Variants in NOS1 observed in about 807,000 individuals in gnomAD.
The protein encoded by NOS1 is nitric oxide synthase 1.
Under a neutral mutation model 164.5 loss-of-function variants are expected in NOS1, and 51 were observed. The ratio of observed to expected loss-of-function variants is 0.31; its 90% CI spans 0.25 to 0.39. The LOEUF (loss-of-function observed/expected upper bound fraction) is 0.39, where lower values mean the gene tolerates loss of function less well. NOS1 is among the 10% of genes least tolerant of loss of function. NOS1 has a pLI of 1.00. For synonymous variants in NOS1, 719 were observed against 745.8 expected, an observed-to-expected ratio of 0.96 and a Z score of 0.59; for missense variants, 1,362 against 1,885.6, an observed-to-expected ratio of 0.72 and a Z score of 5.14.
chr12:117,268,334 G>A lies in NOS1; in HGVS notation c.1840-190C>T, dbSNP rs41397345. On this transcript the variant is annotated intron_variant, in intron 10 of 28. Transcript: ENST00000317775. Reference sequence around the variant, plus strand: ...CAACCTCTGCCTCCTGCATTCAAGCGATTCTCCTGCCTCAGCCTCCTGAGT... The same window carrying A: ...CAACCTCTGCCTCCTGCATTCAAGCAATTCTCCTGCCTCAGCCTCCTGAGT... Among the ~76,000 whole-genome samples the A allele has an allele frequency of 3.1e-3, 464 of 151,442 alleles. 2 individuals carry two copies. The highest frequency in any genetic ancestry group is 0.011 in the African/African-American group (442 of 41,230).
At chr12:117,278,446 C>T (rs1873355801) in intron 8 of NOS1, among the ~76,000 whole-genome samples, 1 of 152,194 alleles carries the variant, frequency 6.6e-6, no homozygotes, top group Admixed American at 6.5e-5. Flanking sequence ...TCTTCCCTGC[C>T]CACTGGAATT....
At chr12:117,355,654 T>C (rs1281668159) in intron 1 of NOS1, among the ~76,000 whole-genome samples, 1 of 152,144 alleles carries the variant, frequency 6.6e-6, no homozygotes, top group African/African-American at 2.4e-5. Flanking sequence ...TGCCCTTTAG[T>C]TCCAACTCCA....
intron 27 of NOS1, 137 bp downstream of exon 27, chr12:117,219,938 C>T (rs1347984903): frequency 3.7e-6 from 3 of 808,456 alleles, no homozygotes; most frequent in Admixed American, 2.4e-5. Flanking sequence ...TATCCTCTAC[C>T]CTCAGTGGTA....
At chr12:117,249,152 T>C (rs1870890147) in intron 17 of NOS1, among the ~76,000 whole-genome samples, 1 of 152,182 alleles carries the variant, frequency 6.6e-6, no homozygotes, top group African/African-American at 2.4e-5. Context: ...TACCACTCAG[T>C]CTGTGGTATT....
chr12:117,270,814 T>A lies in NOS1; in HGVS notation c.1839+1571A>T, dbSNP rs577387467. ...ACTTTGGGAGGCCAAGGCGGGTGGATCATCTGAGGTCAAGAGTTCGAGACT... is the reference window on the plus strand; with the variant it reads ...ACTTTGGGAGGCCAAGGCGGGTGGAACATCTGAGGTCAAGAGTTCGAGACT... On this transcript the variant is annotated intron_variant, in intron 10 of 28. Coordinates refer to ENST00000317775, the MANE Select transcript of NOS1 (RefSeq NM_000620.5). Among the ~76,000 whole-genome samples the A allele has an allele frequency of 3.9e-5, 6 of 152,170 alleles. No homozygotes were observed. In the South Asian group the frequency reaches 1.0e-3, roughly 26 times the overall value.
chr12:117,315,255 G>A (rs1874618623), intron 2 of NOS1, among the ~76,000 whole-genome samples: 1 of 151,978 alleles, frequency 6.6e-6, no homozygotes, highest in Non-Finnish European at 1.5e-5. Flanking sequence ...CCAGGTTGGA[G>A]TGCAGTGGCG....
intron 27 of NOS1, 24 bp downstream of exon 27, chr12:117,220,051 C>T: frequency 6.3e-7 from 1 of 1,582,870 alleles, no homozygotes; most frequent in African/African-American, 1.3e-5. Context: ...GAAAAGGGAC[C>T]TGGGAAGTCA....
chr12:117,337,104 C>CTATTTTTTTTTTTTT lies in NOS1; in HGVS notation c.-420-5616_-420-5615insAAAAAAAAAAAAATA, dbSNP rs1566082153. 4.3e-5 allele frequency among the ~76,000 whole-genome samples: 4 copies of CTATTTTTTTTTTTTT among 94,074 alleles called. 1 individual carries two copies. Among genetic ancestry groups the CTATTTTTTTTTTTTT allele is most frequent in the Non-Finnish European group, 4.2e-5 (2 of 47,796 alleles). 61.7% of individuals were successfully genotyped at this position (94,074 alleles called of 152,430 possible). ...AGCCACTGTACCCAGCTGCTTTTTACTCTTTTTTTTTTTTTTTTTTTTTTT... is the reference window on the plus strand; with the variant it reads ...AGCCACTGTACCCAGCTGCTTTTTACTATTTTTTTTTTTTTTCTTTTTTTTTTTTTTTTTTTTTTT... On this transcript the variant is annotated intron_variant, in intron 1 of 28. Coordinates refer to ENST00000317775, the MANE Select transcript of NOS1 (RefSeq NM_000620.5).
chr12:117,295,563 G>A (rs1018373672), intron 3 of NOS1, among the ~76,000 whole-genome samples: 5 of 151,156 alleles, frequency 3.3e-5, no homozygotes, highest in Admixed American at 2.6e-4. Context: ...GGCTGACCCC[G>A]ATCACTGCGT....
intron 22 of NOS1, among the ~76,000 whole-genome samples, chr12:117,231,583 A>G (rs551559465): frequency 1.2e-4 from 18 of 152,328 alleles, no homozygotes; most frequent in Non-Finnish European, 2.2e-4. Flanking sequence ...ATAAAAATTA[A>G]AAAAACAAAA....
In NOS1 at chr12:117,212,930, GA is replaced by G. The variant is rs901639108; in HGVS notation, c.*2378del. ...CTCCTGCCTTCTAGCCTGGAGTTGT[GA>G]AGCAGCTTGTGTTGGGGATTGAAAG... On this transcript the variant is annotated 3_prime_UTR_variant, in exon 29 of 29. Transcript: ENST00000317775. 70 of 985,282 alleles carry G rather than the reference GA, an allele frequency of 7.1e-5. No homozygotes were observed. Among genetic ancestry groups the G allele is most frequent in the Non-Finnish European group, 8.3e-5 (69 of 829,940 alleles). 61.0% of individuals were successfully genotyped at this position (985,282 alleles called of 1,614,324 possible). A position where few individuals can be genotyped will look rare whatever the true frequency, so the allele number is the denominator to read the frequency against.
At chr12:117,267,254 G>T (rs1394478383) in intron 11 of NOS1, among the ~76,000 whole-genome samples, 1 of 152,184 alleles carries the variant, frequency 6.6e-6, no homozygotes, top group Non-Finnish European at 1.5e-5. Context: ...GATGCCCATT[G>T]TCCTGGCATA....
At chr12:117,306,234 T>C (rs1322674389) in intron 3 of NOS1, among the ~76,000 whole-genome samples, 1 of 152,136 alleles carries the variant, frequency 6.6e-6, no homozygotes, top group Non-Finnish European at 1.5e-5. Flanking sequence ...TCGGCACACT[T>C]ACTTCACCTT....
intron 1 of NOS1, among the ~76,000 whole-genome samples, chr12:117,359,675 G>T (rs1053057926): frequency 6.6e-6 from 1 of 151,630 alleles, no homozygotes; most frequent in Non-Finnish European, 1.5e-5. Flanking sequence ...CTGAGCGCAG[G>T]GTTTGAGCTG....
chr12:117,257,891 T>G lies in NOS1; in HGVS notation c.2531+506A>C, dbSNP rs1011952015. Among the ~76,000 whole-genome samples the G allele has an allele frequency of 7.5e-5, 11 of 147,324 alleles. No homozygotes were observed. In the South Asian group the frequency reaches 1.6e-3, roughly 21 times the overall value. ...GCGATCTTGGCTCACTGCAACCTCC[T>G]CCTCCCAGGTTCAAGCGATTCTCCC... is the stretch of plus-strand genomic sequence containing the variant. On this transcript the variant is annotated intron_variant, in intron 16 of 28. Transcript: ENST00000317775.
rs566860321 is a variant in NOS1 at position 117,268,640 on chromosome 12, A to T, written c.1840-496T>A. Among the ~76,000 whole-genome samples, 3 of 136,980 alleles carry T rather than the reference A, an allele frequency of 2.2e-5. No individual in the cohort carries two copies. The Admixed American group carries it at 2.3e-4, about 11-fold the overall frequency. The allele number at this position is 136,980 out of a possible 152,430, so 89.9% of individuals were successfully genotyped here. ...AGTCTTGCTCTGTCACCCAGGCTGG[A>T]GTGCAGTGGCACGATCTTGGCTCAC... On this transcript the variant is annotated intron_variant, in intron 10 of 28. Transcript: ENST00000317775.
rs747059956 is a variant in NOS1 at position 117,278,098 on chromosome 12, T to C, written c.1525A>G (p.Ile509Val). 1 of 1,611,308 alleles carries C rather than the reference T, an allele frequency of 6.2e-7. No individual in the cohort carries two copies. Among genetic ancestry groups the C allele is most frequent in the Admixed American group, 1.7e-5 (1 of 59,894 alleles). The change falls in exon 9 of 29, where the codon ATA (isoleucine) becomes GTA (valine). Residue 509 changes from isoleucine to valine, a missense_variant and splice_region_variant. Physicochemically the swap from Ile to Val is conservative, Grantham distance 29. This residue lies in a region of NOS1 where 134 missense variants were observed against 267.3 expected (regional missense o/e 0.50). Transcript: ENST00000317775. ...GDPANVQFTE[I>V]CIQQGWKPPR... ...GGTTTCCAGCCCTGCTGTATGCATA[T>C]CTGCAAGCAGACCCGGCCAGGTAAT... is the stretch of plus-strand genomic sequence containing the variant.
At chr12:117,259,175 G>T in intron 14 of NOS1, 45 bp from the exon 15 acceptor site, 2 of 1,325,470 alleles carry the variant, frequency 1.5e-6, no homozygotes, top group Non-Finnish European at 2.2e-6. Flanking sequence ...AGGAAGAAGG[G>T]GATGAGGAGA....
intron 12 of NOS1, among the ~76,000 whole-genome samples, chr12:117,264,447 ATTTAT>A (rs1872200562): frequency 6.7e-6 from 1 of 149,990 alleles, no homozygotes; most frequent in African/African-American, 2.5e-5. Context: ...TAATTTTCTT[ATTTAT>A]TTTCTTTCTT....
Sources: allele counts gnomAD v4.1 joint callset (sites outside exome capture counted in the v4.1 genomes callset), GRCh38; gene constraint gnomAD v4.1.1; regional missense constraint gnomAD v4.1.1; transcripts MANE v1.5; gene names NCBI Gene and HGNC (gene_info 2026-07-23, HGNC 2026-07-21).